TMEM135: variants seen among roughly 807,000 people sequenced by gnomAD.
TMEM135 encodes the protein transmembrane protein 135, also known as peroxisomal membrane protein 52.
TMEM135 carries 30 observed loss-of-function variants against 60.3 expected under a neutral mutation model. The ratio of observed to expected loss-of-function variants is 0.50; its 90% CI spans 0.37 to 0.68. The LOEUF (loss-of-function observed/expected upper bound fraction) is 0.68. Ranked by LOEUF, TMEM135 falls within the 30% of genes least tolerant of loss-of-function variation. TMEM135 has a pLI of 0.00. For synonymous variants in TMEM135, 190 were observed against 186.7 expected, an observed-to-expected ratio of 1.02 and a Z score of -0.14; for missense variants, 468 against 548.8, an observed-to-expected ratio of 0.85 and a Z score of 1.47.
At chr11:87,106,982 A>G (rs1281182245) in intron 4 of TMEM135, among the ~76,000 whole-genome samples, 1 of 152,146 alleles carries the variant, frequency 6.6e-6, no homozygotes. Context: ...AGGGTGCCAC[A>G]CACTTTTAAA....
chr11:87,101,393 A>G (rs1457913941), intron 4 of TMEM135, among the ~76,000 whole-genome samples: 1 of 152,246 alleles, frequency 6.6e-6, no homozygotes, highest in Non-Finnish European at 1.5e-5. Context: ...AATTTATTAT[A>G]TGCTGCTAAC....
chr11:87,302,415 G>A lies in TMEM135; in HGVS notation c.671G>A (p.Gly224Asp), dbSNP rs1235244067. Residue 224 changes from glycine (G) to aspartate (D), a missense_variant, in exon 8 of 15, where the codon GGT becomes GAT. By Grantham distance (94) the Gly-to-Asp change is moderately conservative. Transcript: ENST00000305494. ...EEKPGRMNMI[G>D]LVRKFVDSIC... ...AAACCCGGAAGAATGAATATGATTGGTCTAGTCAGGAAATTTGTGGATTCA... is the reference window on the plus strand; with the variant it reads ...AAACCCGGAAGAATGAATATGATTGATCTAGTCAGGAAATTTGTGGATTCA... 1 of 1,613,796 alleles carries A rather than the reference G, an allele frequency of 6.2e-7. No individual in the cohort carries two copies.
Position 87,157,428 on chromosome 11 carries a change from A to C in TMEM135, c.462+22A>C, listed in dbSNP as rs1382281570. On this transcript the variant is annotated intron_variant, in intron 5 of 14. Coordinates refer to ENST00000305494, the MANE Select transcript of TMEM135 (RefSeq NM_022918.4). ...AGAAGTAAGATGAGAATTTTGATAT[A>C]GTTATTAGTTGTTAATTTATAGTTT... 4 of 1,593,346 alleles carry C rather than the reference A, an allele frequency of 2.5e-6. No individual in the cohort carries two copies. The South Asian group carries it at 3.3e-5, about 13-fold the overall frequency.
intron 7 of TMEM135, among the ~76,000 whole-genome samples, chr11:87,299,683 C>G (rs1159636625): frequency 1.3e-5 from 2 of 152,086 alleles, no homozygotes; most frequent in African/African-American, 2.4e-5. Flanking sequence ...TCTCAGAGAG[C>G]TTATGGTCTA....
intron 4 of TMEM135, among the ~76,000 whole-genome samples, chr11:87,152,432 T>C (rs1591059425): frequency 1.3e-5 from 2 of 152,318 alleles, no homozygotes; most frequent in Admixed American, 1.3e-4. Context: ...ATTTTATTTT[T>C]CTGGAATGCC....
At chr11:87,250,517 T>G (rs1408720240) in intron 6 of TMEM135, among the ~76,000 whole-genome samples, 1 of 151,982 alleles carries the variant, frequency 6.6e-6, no homozygotes, top group Non-Finnish European at 1.5e-5. Flanking sequence ...TTTTAAATTT[T>G]CTTCTTAATT....
intron 4 of TMEM135, among the ~76,000 whole-genome samples, chr11:87,118,737 C>T (rs1476021688): frequency 2.0e-5 from 3 of 152,108 alleles, no homozygotes; most frequent in Admixed American, 2.0e-4. Flanking sequence ...CCACCGTGCC[C>T]AGCCCTTCCT....
chr11:87,228,480 G>A (rs968652457), intron 5 of TMEM135, among the ~76,000 whole-genome samples: 13 of 152,224 alleles, frequency 8.5e-5, no homozygotes, highest in East Asian at 1.9e-4. Context: ...AAGAGGAAGC[G>A]TATTGCTCTT....
At chr11:87,279,021 G>A (rs1942015204) in intron 6 of TMEM135, among the ~76,000 whole-genome samples, 1 of 151,432 alleles carries the variant, frequency 6.6e-6, no homozygotes, top group Non-Finnish European at 1.5e-5. Context: ...TTTGTTGAGT[G>A]TATTAGTAGT....
chr11:87,162,932 A>G (rs890156073), intron 5 of TMEM135, among the ~76,000 whole-genome samples: 1 of 151,478 alleles, frequency 6.6e-6, no homozygotes, highest in African/African-American at 2.4e-5. Context: ...GTAAGATGGT[A>G]TCTTATTGTG....
intron 2 of TMEM135, 145 bp from the exon 3 acceptor site, chr11:87,071,378 T>C: frequency 3.0e-6 from 2 of 666,522 alleles, no homozygotes; most frequent in Non-Finnish European, 5.3e-6. Context: ...GGGAGACAGA[T>C]AATGAGTTTG....
chr11:87,319,975 A>G (rs1942793049), intron 14 of TMEM135, among the ~76,000 whole-genome samples: 1 of 152,158 alleles, frequency 6.6e-6, no homozygotes, highest in South Asian at 2.1e-4. Flanking sequence ...TTTTCGGTCT[A>G]CAATGAAATA....
intron 2 of TMEM135, among the ~76,000 whole-genome samples, chr11:87,069,143 G>A (rs888187319): frequency 1.3e-5 from 2 of 151,638 alleles, no homozygotes; most frequent in African/African-American, 2.4e-5. Flanking sequence ...AAAATTAGCC[G>A]GGCGTGGTGG....
rs1942891654 is a variant in TMEM135 at position 87,325,025 on chromosome 11, C to G, written c.*3692C>G. 2.2e-6 allele frequency: 1 copy of G among 453,794 alleles called. No homozygotes were observed. Among genetic ancestry groups the G allele is most frequent in the Admixed American group, 2.4e-5 (1 of 42,536 alleles). The allele number at this position is 453,794 out of a possible 1,614,324, so 28.1% of individuals were successfully genotyped here. On this transcript the variant is annotated 3_prime_UTR_variant, in exon 15 of 15. Transcript: ENST00000305494. ...TTGTGGAGGTGATGTTTACAATTGC[C>G]TCCAGCCCTTTACTATTGGTGCTGA...
chr11:87,046,281 G>T (rs1949795242), intron 1 of TMEM135, among the ~76,000 whole-genome samples: 2 of 152,178 alleles, frequency 1.3e-5, no homozygotes, highest in African/African-American at 4.8e-5. Flanking sequence ...GTGGGCATCT[G>T]TAATCCCAGC....
At chr11:87,292,680 T>C (rs190095536) in intron 6 of TMEM135, among the ~76,000 whole-genome samples, 13 of 152,324 alleles carry the variant, frequency 8.5e-5, no homozygotes, top group African/African-American at 2.9e-4. Context: ...AATTACGTTT[T>C]TGTTCTTTGG....
intron 5 of TMEM135, among the ~76,000 whole-genome samples, chr11:87,158,262 A>T (rs1170419303): frequency 6.6e-6 from 1 of 152,092 alleles, no homozygotes; most frequent in Non-Finnish European, 1.5e-5. Context: ...GTTTGATGTT[A>T]TTTAATGTAA....
At chr11:87,289,244 T>A (rs11235080) in intron 6 of TMEM135, among the ~76,000 whole-genome samples, 75,163 of 151,770 alleles carry the variant, frequency 0.5, 18,703 homozygotes, top group Middle Eastern at 0.53. Context: ...TTATTAGATC[T>A]GGGTAATTGG....
rs1456352879 is a variant in TMEM135 at position 87,323,987 on chromosome 11, T to G, written c.*2654T>G. The G allele has an allele frequency of 2.2e-6, 1 of 453,864 alleles. No homozygotes were observed. 28.1% of individuals were successfully genotyped at this position (453,864 alleles called of 1,614,324 possible). A position where few individuals can be genotyped will look rare whatever the true frequency, so the allele number is the denominator to read the frequency against. On this transcript the variant is annotated 3_prime_UTR_variant, in exon 15 of 15. Transcript: ENST00000305494. The stretch of plus-strand genomic sequence containing the variant: ...TTGTTTAGTCAGTTGTTATTTAATT[T>G]AGAATTTTATATTTTTTTGGCTCTC...
Sources: gnomAD v4.1 joint callset for allele counts (sites outside exome capture counted in the v4.1 genomes callset) on GRCh38, gnomAD v4.1.1 for gene constraint, MANE v1.5 for transcripts, NCBI Gene and HGNC (gene_info 2026-07-23, HGNC 2026-07-21) for gene names.